The following MCTP1 variants were observed in gnomAD, a reference collection of about 807,000 sequenced individuals.
MCTP1 encodes the protein multiple C2 and transmembrane domain-containing protein 1.
MCTP1 carries 69 observed loss-of-function variants against 120.6 expected under a neutral mutation model. The observed-to-expected ratio is 0.57, with a 90% CI of 0.47 to 0.70. The LOEUF is 0.70. MCTP1 is among the 30% of genes least tolerant of loss of function. The probability of loss-of-function intolerance (pLI) is 0.00; values close to 1 mark genes in which losing one functional copy is unlikely to be tolerated. For missense variants in MCTP1, 1,203 were observed against 1,248.8 expected, an observed-to-expected ratio of 0.96 and a Z score of 0.55; for synonymous variants, 529 against 493.1, an observed-to-expected ratio of 1.07 and a Z score of -0.96.
At chr5:95,058,622 A>G (rs1748067546) in intron 1 of MCTP1, among the ~76,000 whole-genome samples, 1 of 152,236 alleles carries the variant, frequency 6.6e-6, no homozygotes, top group Non-Finnish European at 1.5e-5. Context: ...AACTTAAACT[A>G]TACCACTTCA....
At chr5:95,249,808 C>T (rs951698458) in intron 1 of MCTP1, among the ~76,000 whole-genome samples, 2 of 152,176 alleles carry the variant, frequency 1.3e-5, no homozygotes, top group African/African-American at 4.8e-5. Flanking sequence ...ACATATACAT[C>T]ATGGGATACT....
chr5:95,048,837 T>A (rs937016822), intron 1 of MCTP1, among the ~76,000 whole-genome samples: 3 of 152,150 alleles, frequency 2.0e-5, no homozygotes, highest in Non-Finnish European at 4.4e-5. Flanking sequence ...AAAAGATCAA[T>A]GCCACCATCT....
intron 1 of MCTP1, among the ~76,000 whole-genome samples, chr5:95,175,161 T>C (rs984817226): frequency 6.6e-6 from 1 of 152,228 alleles, no homozygotes; most frequent in Non-Finnish European, 1.5e-5. Context: ...TTAAAAATTA[T>C]AAGTGAAAAT....
intron 19 of MCTP1, among the ~76,000 whole-genome samples, chr5:94,773,357 T>G (rs931320078): frequency 6.6e-6 from 1 of 152,212 alleles, no homozygotes; most frequent in African/African-American, 2.4e-5. Context: ...TATTGTAGCA[T>G]AGTTGGGTTA....
intron 6 of MCTP1, among the ~76,000 whole-genome samples, chr5:94,926,063 A>G (rs886244662): frequency 2.0e-5 from 3 of 152,220 alleles, no homozygotes; most frequent in East Asian, 3.8e-4. Flanking sequence ...TTTTTTTCTA[A>G]CAAATGCATA....
chr5:95,045,084 C>T (rs1471943883), intron 1 of MCTP1, among the ~76,000 whole-genome samples: 2 of 152,186 alleles, frequency 1.3e-5, no homozygotes, highest in Non-Finnish European at 2.9e-5. Flanking sequence ...GCTACCTTCC[C>T]CCTCACTACA....
intron 18 of MCTP1, among the ~76,000 whole-genome samples, chr5:94,794,237 T>A (rs1172641539): frequency 6.6e-6 from 1 of 152,254 alleles, no homozygotes; most frequent in Non-Finnish European, 1.5e-5. Flanking sequence ...TAAAAAACAT[T>A]GAAGAATTTT....
intron 1 of MCTP1, among the ~76,000 whole-genome samples, chr5:95,131,591 ATTTT>A (rs924425130): frequency 1.3e-5 from 2 of 150,906 alleles, no homozygotes; most frequent in Non-Finnish European, 3.0e-5. Context: ...GCTCTGATCT[ATTTT>A]TTTTTCTTTT....
intron 1 of MCTP1, among the ~76,000 whole-genome samples, chr5:95,064,723 G>A (rs1379405093): frequency 1.3e-5 from 2 of 152,178 alleles, no homozygotes; most frequent in African/African-American, 4.8e-5. Context: ...ATGTAAGAAT[G>A]GGATATGGAT....
intron 1 of MCTP1, among the ~76,000 whole-genome samples, chr5:95,160,560 G>C (rs1214276161): frequency 2.0e-5 from 3 of 151,682 alleles, no homozygotes; most frequent in Admixed American, 1.3e-4. Flanking sequence ...ATATTTCTTA[G>C]ATATAACCCC....
intron 1 of MCTP1, among the ~76,000 whole-genome samples, chr5:95,231,990 G>T (rs1013177541): frequency 6.6e-6 from 1 of 151,902 alleles, no homozygotes; most frequent in Non-Finnish European, 1.5e-5. Context: ...TCTTTGTCAT[G>T]GAGAGCTGTT....
Position 94,837,207 on chromosome 5 carries a change from A to T in MCTP1, c.2436+31126T>A, listed in dbSNP as rs1381229823. Among the ~76,000 whole-genome samples the T allele has an allele frequency of 2.0e-5, 3 of 152,026 alleles. No individual in the cohort carries two copies. In the East Asian group the frequency reaches 5.8e-4, roughly 29 times the overall value. On this transcript the variant is annotated intron_variant, in intron 17 of 22. Transcript: ENST00000515393. The stretch of plus-strand genomic sequence containing the variant: ...AGCCTGGGAAACATAGCAAGACCTC[A>T]TCTCTACTAAAAATAAAAAAACATT...
At chr5:95,160,771 C>G (rs1745639429) in intron 1 of MCTP1, among the ~76,000 whole-genome samples, 1 of 151,858 alleles carries the variant, frequency 6.6e-6, no homozygotes, top group Non-Finnish European at 1.5e-5. Flanking sequence ...AAACAAATAA[C>G]CTAATCAAAT....
At chr5:95,071,921 A>G (rs1253184956) in intron 1 of MCTP1, among the ~76,000 whole-genome samples, 2 of 152,228 alleles carry the variant, frequency 1.3e-5, no homozygotes, top group Non-Finnish European at 2.9e-5. Flanking sequence ...CAAGTAAACA[A>G]CAGGTAGAAA....
chr5:95,158,188 T>C (rs1236499982), intron 1 of MCTP1, among the ~76,000 whole-genome samples: 1 of 152,218 alleles, frequency 6.6e-6, no homozygotes, highest in Admixed American at 6.5e-5. Flanking sequence ...ACTGTGACAA[T>C]ATCTTGCTTT....
chr5:94,862,665 C>T (rs1796028803), intron 17 of MCTP1, among the ~76,000 whole-genome samples: 1 of 151,754 alleles, frequency 6.6e-6, no homozygotes, highest in Admixed American at 6.6e-5. Context: ...GTACCTTATA[C>T]TCTTTGGGGG....
At chr5:94,719,479 T>C (rs778636566) in intron 19 of MCTP1, among the ~76,000 whole-genome samples, 15 of 152,196 alleles carry the variant, frequency 9.9e-5, no homozygotes, top group Admixed American at 9.2e-4. Context: ...TGGAATACTA[T>C]GCAGACATAA....
chr5:94,826,771 GCTTTTTTT>G, intron 17 of MCTP1: 6 of 52,550 alleles, frequency 1.1e-4, no homozygotes, highest in Non-Finnish European at 1.2e-4. Context: ...TGTGACCCCT[GCTTTTTTT>G]TTTTTTTTTT....
In MCTP1 at chr5:95,057,121, C is replaced by A. The variant is rs76399707; in HGVS notation, c.721-39637G>T. ...TTCAGGGGAAAAATAAGACTAGAAG[C>A]AAATATCATAAAATAGTAACATTAA... On this transcript the variant is annotated intron_variant, in intron 1 of 22. Coordinates refer to ENST00000515393, the MANE Select transcript of MCTP1 (RefSeq NM_024717.7). Among the ~76,000 whole-genome samples, 88 of 151,800 alleles carry A rather than the reference C, an allele frequency of 5.8e-4. 2 individuals carry two copies. Among genetic ancestry groups the A allele is most frequent in the Admixed American group, 5.9e-4 (9 of 15,248 alleles).
Sources: allele counts gnomAD v4.1 joint callset (sites outside exome capture counted in the v4.1 genomes callset), GRCh38; gene constraint gnomAD v4.1.1; transcripts MANE v1.5; gene names NCBI Gene and HGNC (gene_info 2026-07-23, HGNC 2026-07-21).